The following MKI67 variants were observed in gnomAD, a reference collection of about 807,000 sequenced individuals.
The protein encoded by MKI67 is marker of proliferation Ki-67, also known as proliferation marker protein Ki-67.
In MKI67, 152 loss-of-function variants were observed where a neutral mutation model predicts 233.5. The ratio of observed to expected loss-of-function variants is 0.65; its 90% CI spans 0.57 to 0.74. The LOEUF is 0.74. MKI67 is among the 30% of genes least tolerant of loss of function. The pLI is 0.00. For synonymous variants in MKI67, 1,465 were observed against 1,418.5 expected, an observed-to-expected ratio of 1.03 and a Z score of -0.74; for missense variants, 3,940 against 3,885.2, an observed-to-expected ratio of 1.01 and a Z score of -0.37.
Position 128,122,977 on chromosome 10 carries a change from C to A in MKI67, c.191G>T (p.Ser64Ile). The A allele has an allele frequency of 6.2e-7, 1 of 1,606,880 alleles. No individual in the cohort carries two copies. Reference protein sequence around the residue: ...HEQEAILHNFSSTNPTQVNGS... With the variant: ...HEQEAILHNFISTNPTQVNGS... ...ATTTACTTGTGTTGGATTTGTGGAA[C>A]TGAAATTATGTAATATTGCCTGCAA... The change falls in exon 4 of 15, where the codon AGT (serine) becomes ATT (isoleucine). Residue 64 changes from serine (S) to isoleucine (I), a missense_variant. Ser to Ile is a moderately radical substitution (Grantham distance 142). Coordinates refer to ENST00000368654, the MANE Select transcript of MKI67 (RefSeq NM_002417.5).
At position 128,125,202 on chromosome 10, in the gene MKI67, C is replaced by T. The variant is rs1853029143; in HGVS notation, c.92+374G>A. ...CAAGAGACAAGTGTATGGCTTCCTT[C>T]CTTCATTCTCTGTGTCCCCAGTGGC... On this transcript the variant is annotated intron_variant, in intron 2 of 14. Transcript: ENST00000368654. The surrounding 1 kb of genome is among the most constrained non-coding windows in gnomAD (Gnocchi z 5.3). Among the ~76,000 whole-genome samples the T allele has an allele frequency of 6.6e-6, 1 of 152,196 alleles. No individual in the cohort carries two copies. Among genetic ancestry groups the T allele is most frequent in the African/African-American group, 2.4e-5 (1 of 41,442 alleles).
At chr10:128,121,534 T>TTATAA (rs56332757) in intron 4 of MKI67, among the ~76,000 whole-genome samples, 116,419 of 136,960 alleles carry the variant, frequency 0.85, 49,600 homozygotes, top group South Asian at 0.89. Context: ...ATATTATATA[T>TTATAA]TATATTATAA....
rs745741483 is a variant in MKI67 at position 128,105,215 on chromosome 10, T to C, written c.6625A>G (p.Lys2209Glu). 1.9e-6 allele frequency: 3 copies of C among 1,613,700 alleles called. No individual in the cohort carries two copies. The highest frequency in any genetic ancestry group is 2.2e-5 in the South Asian group (2 of 91,060). ...ELFQTPICTD[K>E]PTTHEKTTKI... ...GTAGTTTTCTCATGAGTCGTGGGCT[T>C]GTCAGTGCATATTGGTGTCTGGAAG... The change falls in exon 13 of 15, where the codon AAG becomes GAG. Residue 2209 changes from lysine to glutamate, a missense_variant. Physicochemically the swap from Lys to Glu is moderately conservative, Grantham distance 56 (BLOSUM62 1). Coordinates refer to ENST00000368654, the MANE Select transcript of MKI67 (RefSeq NM_002417.5).
chr10:128,102,540 C>T (rs1218351014), intron 13 of MKI67, 39 bp downstream of exon 13: 2 of 1,592,624 alleles, frequency 1.3e-6, no homozygotes, highest in Non-Finnish European at 1.7e-6. Flanking sequence ...CACAACTATC[C>T]AAGACGATAT....
chr10:128,119,530 T>C (rs1027359410), intron 4 of MKI67, among the ~76,000 whole-genome samples: 1 of 152,220 alleles, frequency 6.6e-6, no homozygotes. Context: ...GAAATACCAC[T>C]GTCAGAGGCT....
At position 128,104,436 on chromosome 10, in the gene MKI67, C is replaced by T; in HGVS notation, c.7404G>A (p.Gln2468=). The change falls in exon 13 of 15, where the codon CAG becomes CAA. Residue 2468 remains glutamine, a synonymous_variant. Coordinates refer to ENST00000368654, the MANE Select transcript of MKI67 (RefSeq NM_002417.5). The part of the protein sequence containing the change: ...KITEVSCKSP[Q]PESFKTSRSS... Reference sequence around the variant, plus strand: ...TTCTTGAGGTTTTGAATGACTCTGGCTGTGGAGATTTACAGGATACTTCTG... The same window carrying T: ...TTCTTGAGGTTTTGAATGACTCTGGTTGTGGAGATTTACAGGATACTTCTG... The T allele has an allele frequency of 6.2e-7, 1 of 1,613,714 alleles. No homozygotes were observed. Among genetic ancestry groups the T allele is most frequent in the Non-Finnish European group, 8.5e-7 (1 of 1,179,942 alleles).
At position 128,106,010 on chromosome 10, in the gene MKI67, G is replaced by T; in HGVS notation, c.5830C>A (p.Pro1944Thr). The T allele has an allele frequency of 3.7e-6, 6 of 1,614,150 alleles. No individual in the cohort carries two copies. Among genetic ancestry groups the T allele is most frequent in the Non-Finnish European group, 5.1e-6 (6 of 1,180,020 alleles). Residue 1944 changes from proline (P) to threonine (T), a missense_variant, in exon 13 of 15, where the codon CCT becomes ACT. By Grantham distance (38) the Pro-to-Thr change is conservative (BLOSUM62 -1). Coordinates refer to ENST00000368654, the MANE Select transcript of MKI67 (RefSeq NM_002417.5). ...TCTAGAGCCTTGGCCTTTTCTTTAG[G>T]AGTTTGTGGCCGTCTCTTGCTGCCA... is the stretch of plus-strand genomic sequence containing the variant. The part of the protein sequence containing the change: ...LPGSKRRPQT[P>T]KEKAKALEDL...
Position 128,110,374 on chromosome 10 carries a change from C to A in MKI67, c.2416+4G>T. 1.3e-6 allele frequency: 2 copies of A among 1,552,194 alleles called. No homozygotes were observed. The highest frequency in any genetic ancestry group is 4.6e-5 in the East Asian group (2 of 43,602). On this transcript the variant is annotated splice_donor_region_variant and intron_variant, in intron 12 of 14. Coordinates refer to ENST00000368654, the MANE Select transcript of MKI67 (RefSeq NM_002417.5). ...TCACAGTGTTAGGAAACAAGGAAACCAACCAAAACTCTCTGAGGTGGGGAG... is the reference window on the plus strand; with the variant it reads ...TCACAGTGTTAGGAAACAAGGAAACAAACCAAAACTCTCTGAGGTGGGGAG...
chr10:128,115,061 G>C lies in MKI67; in HGVS notation c.1347C>G (p.Leu449=). The change falls in exon 7 of 15, where the codon CTC becomes CTG. Residue 449 remains leucine, a synonymous_variant. Coordinates refer to ENST00000368654, the MANE Select transcript of MKI67 (RefSeq NM_002417.5). ...IHNEPFLTLW[L]TQVERKIQKD... ...TTTGGATCTTCCTCTCAACTTGAGT[G>C]AGCCACAGAGTTAAAAATGGCTCAT... 1 of 1,613,588 alleles carries C rather than the reference G, an allele frequency of 6.2e-7. No homozygotes were observed. Among genetic ancestry groups the C allele is most frequent in the Non-Finnish European group, 8.5e-7 (1 of 1,179,480 alleles).
At position 128,104,683 on chromosome 10, in the gene MKI67, G is replaced by C. The variant is rs757148185; in HGVS notation, c.7157C>G (p.Ala2386Gly). 8.7e-6 allele frequency: 14 copies of C among 1,614,004 alleles called. No homozygotes were observed. The South Asian group carries it at 1.5e-4, about 18-fold the overall frequency. ...LRKRTPSAGKAMDTPKPAVSD... is the reference protein window; with the variant it reads ...LRKRTPSAGKGMDTPKPAVSD... ...TACTGCTGGTTTTGGTGTGTCCATGGCTTTGCCTGCTGATGGTGTTCGTTT... is the reference window on the plus strand; with the variant it reads ...TACTGCTGGTTTTGGTGTGTCCATGCCTTTGCCTGCTGATGGTGTTCGTTT... Residue 2386 changes from alanine to glycine, a missense_variant, in exon 13 of 15, where the codon GCC (alanine) becomes GGC (glycine). Transcript: ENST00000368654.
At position 128,103,492 on chromosome 10, in the gene MKI67, C is replaced by T; in HGVS notation, c.8348G>A (p.Ser2783Asn). The change falls in exon 13 of 15, where the codon AGC becomes AAC. Residue 2783 changes from serine (S) to asparagine (N), a missense_variant. Transcript: ENST00000368654. ...TPAPAASVTGSRRRPRAPRES... is the reference protein window; with the variant it reads ...TPAPAASVTGNRRRPRAPRES... ...CCTGGGTGCTCTTGGCCGTCTCCTG[C>T]TGCCAGTTACACTTGCTGCTGGAGC... 1.9e-6 allele frequency: 3 copies of T among 1,613,972 alleles called. No homozygotes were observed. The highest frequency in any genetic ancestry group is 2.5e-6 in the Non-Finnish European group (3 of 1,179,876).
rs770715178 is a variant in MKI67, at chr10:128,103,008, G to A, written c.8832C>T (p.Ser2944=). ...LANGAADSFT[S]APKQTPDSGK... ...CACTGTCAGGTGTTTGCTTTGGAGC[G>A]CTTGTAAAGCTATCAGCAGCACCAT... The change falls in exon 13 of 15, where the codon AGC becomes AGT. Residue 2944 remains serine (S), a synonymous_variant. Coordinates refer to ENST00000368654, the MANE Select transcript of MKI67 (RefSeq NM_002417.5). 3.5e-5 allele frequency: 57 copies of A among 1,614,084 alleles called. No individual in the cohort carries two copies. Among genetic ancestry groups the A allele is most frequent in the African/African-American group, 6.7e-5 (5 of 74,930 alleles).
In MKI67 at chr10:128,098,697, C is replaced by A. The variant is rs769938988; in HGVS notation, c.*493G>T. On this transcript the variant is annotated 3_prime_UTR_variant, in exon 15 of 15. Coordinates refer to ENST00000368654, the MANE Select transcript of MKI67 (RefSeq NM_002417.5). The stretch of plus-strand genomic sequence containing the variant: ...ATGTCCAATAGCCTTAATTTGGGGA[C>A]CAAATGCCCCCGGCCATTGGAAAGA... 1 of 152,546 alleles carries A rather than the reference C, an allele frequency of 6.6e-6. No homozygotes were observed. Among genetic ancestry groups the A allele is most frequent in the Non-Finnish European group, 1.5e-5 (1 of 68,364 alleles). The allele number at this position is 152,546 out of a possible 1,614,324, so 9.4% of individuals were successfully genotyped here. A position where few individuals can be genotyped will look rare whatever the true frequency, so the allele number is the denominator to read the frequency against.
At position 128,102,566 on chromosome 10, in the gene MKI67, T is replaced by C. The variant is rs188185161; in HGVS notation, c.9261+13A>G. The C allele has an allele frequency of 5.6e-6, 9 of 1,610,664 alleles. No homozygotes were observed. Among genetic ancestry groups the C allele is most frequent in the African/African-American group, 1.3e-5 (1 of 74,914 alleles). On this transcript the variant is annotated intron_variant, in intron 13 of 14. Transcript: ENST00000368654. ...AAGACGATATTGAGTGATGCTGTAA[T>C]ACTTCCTCTCACCTTATTTTCAGGG...
At chr10:128,114,765 C>A (rs1231744823) in intron 7 of MKI67, among the ~76,000 whole-genome samples, 163 bp downstream of exon 7, 2 of 152,192 alleles carry the variant, frequency 1.3e-5, no homozygotes, top group Non-Finnish European at 2.9e-5. Context: ...CTTCAGTATT[C>A]ATCTATTAGC....
Position 128,107,567 on chromosome 10 carries a change from C to T in MKI67, c.4273G>A (p.Gly1425Arg), listed in dbSNP as rs1168585664. 2 of 1,614,076 alleles carry T rather than the reference C, an allele frequency of 1.2e-6. No homozygotes were observed. Among genetic ancestry groups the T allele is most frequent in the Non-Finnish European group, 8.5e-7 (1 of 1,180,026 alleles). The part of the protein sequence containing the change: ...GETTHTDKVP[G>R]GEDKSINAFR... ...GCGTTGATGCTTTTATCCTCACCTC[C>T]TGGTACTTTATCTGTGTGTGTGGTT... The change falls in exon 13 of 15, where the codon GGA becomes AGA. Residue 1425 changes from glycine (G) to arginine (R), a missense_variant. Transcript: ENST00000368654.
chr10:128,106,337 A>G lies in MKI67; in HGVS notation c.5503T>C (p.Phe1835Leu). The G allele has an allele frequency of 6.2e-7, 1 of 1,613,384 alleles. No homozygotes were observed. The highest frequency in any genetic ancestry group is 8.5e-7 in the Non-Finnish European group (1 of 1,179,890). ...CATGGTGTCTGGAAAAGCTCTCTGA[A>G]GCCAGTCAGTTCTTCTAGAGCCTGG... ...KAQALEELTG[F>L]RELFQTPCTD... The change falls in exon 13 of 15, where the codon TTC (phenylalanine) becomes CTC (leucine). Residue 1835 changes from phenylalanine to leucine, a missense_variant. Transcript: ENST00000368654.
In MKI67 at chr10:128,103,337, C is replaced by A. The variant is rs201003962; in HGVS notation, c.8503G>T (p.Ala2835Ser). Residue 2835 changes from alanine to serine, a missense_variant, in exon 13 of 15, where the codon GCA (alanine) becomes TCA (serine). Coordinates refer to ENST00000368654, the MANE Select transcript of MKI67 (RefSeq NM_002417.5). ...CTGGGCCGTCTCTTTGAGCTTGTTG[C>A]GGTGTCTTCTAGTTCTGGTGATGAT... The part of the protein sequence containing the change: ...CKSSPELEDT[A>S]TSSKRRPRTR... 6.2e-7 allele frequency: 1 copy of A among 1,614,010 alleles called. No homozygotes were observed. Among genetic ancestry groups the A allele is most frequent in the South Asian group, 1.1e-5 (1 of 91,070 alleles).
In MKI67 at chr10:128,115,132, T is replaced by A; in HGVS notation, c.1276A>T (p.Ile426Phe). ...GGCAGAACTTCCACATCTGTAGGAA[T>A]ACTTCCTCTGGTTTTGGAAGAGAGA... ...ENLSSKTRGSIPTDVEVLPTE... is the reference protein window; with the variant it reads ...ENLSSKTRGSFPTDVEVLPTE... Residue 426 changes from isoleucine (I) to phenylalanine (F), a missense_variant, in exon 7 of 15, where the codon ATT (isoleucine) becomes TTT (phenylalanine). Transcript: ENST00000368654. The A allele has an allele frequency of 6.2e-7, 1 of 1,614,236 alleles. No homozygotes were observed.
Sources: allele counts gnomAD v4.1 joint callset (sites outside exome capture counted in the v4.1 genomes callset), GRCh38; gene constraint gnomAD v4.1.1; non-coding constraint Gnocchi (gnomAD v3.1); transcripts MANE v1.5; gene names NCBI Gene and HGNC (gene_info 2026-07-23, HGNC 2026-07-21).